The following CSMD1 variants were observed in gnomAD, a reference collection of about 807,000 sequenced individuals.
The protein encoded by CSMD1 is CUB and sushi domain-containing protein 1.
Under a neutral mutation model 417.5 loss-of-function variants are expected in CSMD1, and 213 were observed. That is an observed-to-expected ratio of 0.51 (90% CI 0.46 to 0.57). The LOEUF (loss-of-function observed/expected upper bound fraction) is 0.57. Ranked by LOEUF, CSMD1 falls within the 20% of genes least tolerant of loss-of-function variation. The probability of loss-of-function intolerance (pLI) is 0.00; values close to 1 mark genes in which losing one functional copy is unlikely to be tolerated. For missense variants in CSMD1, 6,923 were observed against 4,529.7 expected (o/e 1.53, Z -15.17); for synonymous variants, 2,862 against 1,736.8 (o/e 1.65, Z -16.11).
chr8:4,898,610 C>G (rs961320129), intron 1 of CSMD1, among the ~76,000 whole-genome samples: 2 of 152,036 alleles, frequency 1.3e-5, no homozygotes, highest in Non-Finnish European at 2.9e-5. Flanking sequence ...CTAATAACGA[C>G]AGTGTCTGGA....
intron 3 of CSMD1, among the ~76,000 whole-genome samples, chr8:4,187,539 G>A (rs1030359552): frequency 6.6e-6 from 1 of 152,078 alleles, no homozygotes; most frequent in Non-Finnish European, 1.5e-5. Flanking sequence ...AGCTACTTGG[G>A]AGACTCAGGT....
chr8:3,411,817 C>T (rs558708571), intron 12 of CSMD1, among the ~76,000 whole-genome samples: 3 of 87,254 alleles, frequency 3.4e-5, no homozygotes, highest in South Asian at 3.8e-4. Context: ...CGTATATATA[C>T]GTGTATATGT....
At chr8:4,796,852 G>A (rs900067721) in intron 1 of CSMD1, among the ~76,000 whole-genome samples, 2 of 152,166 alleles carry the variant, frequency 1.3e-5, no homozygotes, top group African/African-American at 4.8e-5. Flanking sequence ...CAATTGCAAA[G>A]GTCTGGGGTC....
chr8:4,306,096 C>A (rs1214121993), intron 3 of CSMD1, among the ~76,000 whole-genome samples: 1 of 152,118 alleles, frequency 6.6e-6, no homozygotes, highest in Non-Finnish European at 1.5e-5. Flanking sequence ...TATAATGAAT[C>A]TTCTTTTGCT....
intron 2 of CSMD1, among the ~76,000 whole-genome samples, chr8:4,479,723 G>A (rs1474166885): frequency 6.6e-6 from 1 of 151,976 alleles, no homozygotes; most frequent in East Asian, 1.9e-4. Context: ...GTGAAACCCC[G>A]TCTCTACTAA....
chr8:3,061,224 A>C (rs1193932227), intron 49 of CSMD1, among the ~76,000 whole-genome samples: 1 of 152,158 alleles, frequency 6.6e-6, no homozygotes. Flanking sequence ...CCTCCTCAGC[A>C]GGGGTTCTTT....
chr8:3,333,957 C>A (rs912561132), intron 23 of CSMD1, among the ~76,000 whole-genome samples: 1 of 152,016 alleles, frequency 6.6e-6, no homozygotes, highest in East Asian at 1.9e-4. Flanking sequence ...TGAGGACTGC[C>A]CCTCAGCTTG....
chr8:3,222,885 G>A (rs117089260), intron 28 of CSMD1, among the ~76,000 whole-genome samples: 3,092 of 152,252 alleles, frequency 0.02, 45 homozygotes, highest in South Asian at 0.033. Context: ...GAGAAAGTGA[G>A]GGTATGTAAA....
At chr8:3,996,242 A>G (rs1815203393) in intron 5 of CSMD1, among the ~76,000 whole-genome samples, 1 of 152,080 alleles carries the variant, frequency 6.6e-6, no homozygotes. Context: ...AATGCCCAAT[A>G]CCTCTGGACT....
At chr8:4,613,100 A>G (rs1801275924) in intron 2 of CSMD1, among the ~76,000 whole-genome samples, 1 of 152,190 alleles carries the variant, frequency 6.6e-6, no homozygotes, top group South Asian at 2.1e-4. Context: ...CTTATAGCTG[A>G]ATGCACACAC....
intron 1 of CSMD1, among the ~76,000 whole-genome samples, chr8:4,745,458 G>C (rs978296691): frequency 3.9e-5 from 6 of 152,118 alleles, no homozygotes; most frequent in Non-Finnish European, 1.5e-5. Flanking sequence ...AGCTCTCTTA[G>C]ATACTATTTA....
intron 49 of CSMD1, among the ~76,000 whole-genome samples, chr8:3,060,455 C>T (rs1395366898): frequency 1.3e-5 from 2 of 152,134 alleles, no homozygotes; most frequent in Non-Finnish European, 2.9e-5. Flanking sequence ...TCACAAAGTG[C>T]TGGGATTATG....
At chr8:4,671,626 G>C (rs1229525694) in intron 1 of CSMD1, among the ~76,000 whole-genome samples, 2 of 152,194 alleles carry the variant, frequency 1.3e-5, no homozygotes, top group Non-Finnish European at 2.9e-5. Context: ...TCTCAGCACA[G>C]AGAGCTTCAA....
At chr8:4,965,636 G>C (rs547392709) in intron 1 of CSMD1, among the ~76,000 whole-genome samples, 3 of 152,280 alleles carry the variant, frequency 2.0e-5, no homozygotes, top group Admixed American at 1.3e-4. Flanking sequence ...ACTTCCTGTA[G>C]CTGTATAAGT....
chr8:4,476,587 C>G lies in CSMD1; in HGVS notation c.303-56522G>C, dbSNP rs963241037. On this transcript the variant is annotated intron_variant, in intron 2 of 69. Transcript: ENST00000635120. The stretch of plus-strand genomic sequence containing the variant: ...TAAAACATAATCAAATAGGTCTCCA[C>G]AACACTTTTAGTAAAACACTGAGGG... Among the ~76,000 whole-genome samples, 11 of 152,124 alleles carry G rather than the reference C, an allele frequency of 7.2e-5. 1 individual carries two copies. The highest frequency in any genetic ancestry group is 2.7e-4 in the African/African-American group (11 of 41,416).
chr8:4,925,167 T>A (rs1806769525), intron 1 of CSMD1, among the ~76,000 whole-genome samples: 1 of 148,388 alleles, frequency 6.7e-6, no homozygotes, highest in South Asian at 2.2e-4. Context: ...AAGGACAACA[T>A]CACTATGGTT....
rs756802586 is a variant in CSMD1 at position 3,052,657 on chromosome 8, A to C, written c.7475-10T>G. The C allele has an allele frequency of 3.8e-6, 6 of 1,571,002 alleles. No individual in the cohort carries two copies. In the South Asian group the frequency reaches 6.0e-5, roughly 16 times the overall value. ...ATTCCACAGGACACAGCTGAAAAGAAATGAAACAAATGTAGGCTTATTCTT... is the reference window on the plus strand; with the variant it reads ...ATTCCACAGGACACAGCTGAAAAGACATGAAACAAATGTAGGCTTATTCTT... On this transcript the variant is annotated splice_polypyrimidine_tract_variant and intron_variant, in intron 49 of 69. Transcript: ENST00000635120.
At chr8:4,109,258 C>A (rs1190484646) in intron 3 of CSMD1, among the ~76,000 whole-genome samples, 1 of 152,004 alleles carries the variant, frequency 6.6e-6, no homozygotes, top group African/African-American at 2.4e-5. Flanking sequence ...ATGTTTTTGA[C>A]CCTTGGTTGT....
At chr8:3,999,183 A>G (rs529116498) in intron 4 of CSMD1, among the ~76,000 whole-genome samples, 1 of 151,296 alleles carries the variant, frequency 6.6e-6, no homozygotes, top group East Asian at 1.9e-4. Context: ...CTTTCCTCAA[A>G]TACTTCCTAT....
Sources: allele counts gnomAD v4.1 joint callset (sites outside exome capture counted in the v4.1 genomes callset), GRCh38; gene constraint gnomAD v4.1.1; transcripts MANE v1.5; gene names NCBI Gene and HGNC (gene_info 2026-07-23, HGNC 2026-07-21).